The following MYO9A variants were observed in gnomAD, a reference collection of about 807,000 sequenced individuals.
MYO9A encodes unconventional myosin-IXa.
MYO9A carries 103 observed loss-of-function variants against 293.3 expected under a neutral mutation model. The ratio of observed to expected loss-of-function variants is 0.35; its 90% CI spans 0.30 to 0.41. The LOEUF (loss-of-function observed/expected upper bound fraction) is 0.41, where lower values mean the gene tolerates loss of function less well. MYO9A is among the 10% of genes least tolerant of loss of function. The probability of loss-of-function intolerance (pLI) is 1.00; values close to 1 mark genes in which losing one functional copy is unlikely to be tolerated. For missense variants in MYO9A, 2,685 were observed against 3,033.0 expected (o/e 0.89, Z 2.69); for synonymous variants, 1,001 against 1,035.7 (o/e 0.97, Z 0.64).
At chr15:72,024,131 C>T (rs2077590843) in intron 4 of MYO9A, among the ~76,000 whole-genome samples, 1 of 152,082 alleles carries the variant, frequency 6.6e-6, no homozygotes, top group Non-Finnish European at 1.5e-5. Flanking sequence ...GACTTCACAG[C>T]TATAGATGGT....
At chr15:71,991,039 T>C (rs1238296002) in intron 11 of MYO9A, 64 bp downstream of exon 11, 13 of 1,339,948 alleles carry the variant, frequency 9.7e-6, no homozygotes, top group African/African-American at 1.5e-5. Context: ...AAGTGAATTA[T>C]TATGAATATG....
At position 71,892,152 on chromosome 15, in the gene MYO9A, T is replaced by G. The variant is rs1567235200; in HGVS notation, c.5142+1527A>C. On this transcript the variant is annotated intron_variant, in intron 26 of 41. Transcript: ENST00000356056. ...ACCCATCAATATACTATAATACTTG[T>G]CAAACCACATATACACCTGATTTGG... The G allele has an allele frequency of 2.0e-5, 3 of 152,336 alleles. No homozygotes were observed. The East Asian group carries it at 5.8e-4, about 29-fold the overall frequency. The allele number at this position is 152,336 out of a possible 1,614,324, so 9.4% of individuals were successfully genotyped here. A position where few individuals can be genotyped will look rare whatever the true frequency, so the allele number is the denominator to read the frequency against.
chr15:71,863,207 T>C (rs1286667340), intron 32 of MYO9A, among the ~76,000 whole-genome samples: 2 of 152,108 alleles, frequency 1.3e-5, no homozygotes, highest in African/African-American at 4.8e-5. Context: ...GTGCTGGGAT[T>C]ATCAGCGTGA....
At chr15:72,092,916 C>T (rs1385889506) in intron 1 of MYO9A, among the ~76,000 whole-genome samples, 1 of 151,234 alleles carries the variant, frequency 6.6e-6, no homozygotes, top group Non-Finnish European at 1.5e-5. Flanking sequence ...TACTTACACA[C>T]ACACACACAC....
chr15:71,861,528 G>T, intron 33 of MYO9A, among the ~76,000 whole-genome samples: 1 of 146,658 alleles, frequency 6.8e-6, no homozygotes, highest in East Asian at 2.0e-4. Flanking sequence ...TCTGCTAAAA[G>T]GATTACAGTA....
At position 71,898,428 on chromosome 15, in the gene MYO9A, G is replaced by T. The variant is rs1418348910; in HGVS notation, c.4075C>A (p.Pro1359Thr). ...AATTTTGGACTGCTGGATATCTTAG[G>T]TGATGGAAACTGCAAGTCTCCTTCA... is the stretch of plus-strand genomic sequence containing the variant. ...SDEGDLQFPSPKISSSPKFDS... is the reference protein window; with the variant it reads ...SDEGDLQFPSTKISSSPKFDS... The change falls in exon 25 of 42, where the codon CCT (proline) becomes ACT (threonine). Residue 1359 changes from proline to threonine, a missense_variant. Coordinates refer to ENST00000356056, the MANE Select transcript of MYO9A (RefSeq NM_006901.4). The T allele has an allele frequency of 6.2e-7, 1 of 1,613,788 alleles. No homozygotes were observed.
Position 71,842,717 on chromosome 15 carries a change from G to A in MYO9A, c.6837+6128C>T, listed in dbSNP as rs539525249. The stretch of plus-strand genomic sequence containing the variant: ...TACCAAAAATACAAAAAAATCAGCC[G>A]GGCGTGGTGGCGGGCACCTGTAGTC... On this transcript the variant is annotated intron_variant, in intron 39 of 41. Coordinates refer to ENST00000356056, the MANE Select transcript of MYO9A (RefSeq NM_006901.4). Among the ~76,000 whole-genome samples the A allele has an allele frequency of 9.2e-5, 14 of 151,374 alleles. 1 individual carries two copies. Among genetic ancestry groups the A allele is most frequent in the East Asian group, 3.9e-4 (2 of 5,064 alleles).
intron 26 of MYO9A, 97 bp from the exon 27 acceptor site, chr15:71,888,213 A>C: frequency 1.7e-6 from 1 of 599,362 alleles, no homozygotes; most frequent in Non-Finnish European, 2.9e-6. Context: ...AGCTATTTAA[A>C]AACACACAAA....
At position 71,984,173 on chromosome 15, in the gene MYO9A, G is replaced by C. The variant is rs113248356; in HGVS notation, c.1723-5881C>G. The stretch of plus-strand genomic sequence containing the variant: ...TTACTATAAAATAGGTATTGTGTTA[G>C]ATGATTTTGCCCAACTGTAGGCTAA... On this transcript the variant is annotated intron_variant, in intron 11 of 41. Transcript: ENST00000356056. Among the ~76,000 whole-genome samples the C allele has an allele frequency of 7.7e-3, 1,179 of 152,340 alleles. 22 individuals carry two copies. Among genetic ancestry groups the C allele is most frequent in the African/African-American group, 0.027 (1,125 of 41,572 alleles).
In MYO9A at chr15:72,104,670, C is replaced by G. The variant is rs12439100; in HGVS notation, c.-72+13010G>C. ...CTAAACCAACTGTCATTCTACAAGC[C>G]CAGAGACTGAATTCTTTATATCCCA... On this transcript the variant is annotated intron_variant, in intron 1 of 41. Transcript: ENST00000356056. Among the ~76,000 whole-genome samples the G allele has an allele frequency of 4.9e-3, 746 of 152,212 alleles. 28 individuals are homozygous for G. Among genetic ancestry groups the G allele is most frequent in the Admixed American group, 0.045 (691 of 15,278 alleles).
At chr15:71,838,161 T>C (rs1247323458) in intron 39 of MYO9A, among the ~76,000 whole-genome samples, 6 of 152,166 alleles carry the variant, frequency 3.9e-5, no homozygotes, top group Non-Finnish European at 7.4e-5. Flanking sequence ...ATAGTATCCT[T>C]TGTTCATTTT....
chr15:71,971,140 G>A (rs796919459), intron 12 of MYO9A, among the ~76,000 whole-genome samples: 21 of 150,424 alleles, frequency 1.4e-4, no homozygotes, highest in African/African-American at 4.2e-4. Context: ...CAGCCTGGGC[G>A]ACAGAGCGAG....
chr15:72,108,289 C>G (rs567932947), intron 1 of MYO9A, among the ~76,000 whole-genome samples: 1 of 152,194 alleles, frequency 6.6e-6, no homozygotes, highest in South Asian at 2.1e-4. Context: ...CCCATTAACA[C>G]ACAACATGAT....
chr15:71,954,659 G>T (rs1264079611), intron 14 of MYO9A, among the ~76,000 whole-genome samples: 1 of 152,176 alleles, frequency 6.6e-6, no homozygotes, highest in Non-Finnish European at 1.5e-5. Flanking sequence ...GTGGGGCATT[G>T]ATTTTTTTAA....
At chr15:71,867,269 A>G (rs1333190072) in intron 32 of MYO9A, among the ~76,000 whole-genome samples, 2 of 152,174 alleles carry the variant, frequency 1.3e-5, no homozygotes, top group Admixed American at 1.3e-4. Flanking sequence ...TCGCAATTTA[A>G]ATGTAAAAAA....
intron 13 of MYO9A, among the ~76,000 whole-genome samples, chr15:71,966,265 AGT>A (rs377708464): frequency 0.057 from 7,716 of 134,864 alleles, 215 homozygotes; most frequent in Middle Eastern, 0.081. Context: ...ATCCCAGGCA[AGT>A]GTGTGTGTGT....
At chr15:72,063,697 C>T (rs754449552) in intron 1 of MYO9A, among the ~76,000 whole-genome samples, 5 of 152,014 alleles carry the variant, frequency 3.3e-5, no homozygotes, top group Non-Finnish European at 5.9e-5. Flanking sequence ...ACTTGTACAC[C>T]GTTGGTGAGA....
At chr15:71,891,672 T>C (rs1265014657) in intron 26 of MYO9A, 5 of 152,246 alleles carry the variant, frequency 3.3e-5, no homozygotes, top group Admixed American at 6.5e-5. Context: ...TTCCAATTTC[T>C]ATAATCCTAC....
intron 12 of MYO9A, among the ~76,000 whole-genome samples, chr15:71,971,690 A>G (rs2076016216): frequency 6.6e-6 from 1 of 151,802 alleles, no homozygotes; most frequent in Non-Finnish European, 1.5e-5. Context: ...ATCATGTACC[A>G]TTGTCATTTG....
Sources: gnomAD v4.1 joint callset for allele counts (sites outside exome capture counted in the v4.1 genomes callset) on GRCh38, gnomAD v4.1.1 for gene constraint, MANE v1.5 for transcripts, NCBI Gene and HGNC (gene_info 2026-07-23, HGNC 2026-07-21) for gene names.